Variants in FREM1 observed in about 807,000 individuals in gnomAD.
FREM1 encodes the protein FRAS1-related extracellular matrix protein 1.
FREM1 carries 220 observed loss-of-function variants against 210.1 expected under a neutral mutation model. The ratio of observed to expected loss-of-function variants is 1.05; its 90% CI spans 0.94 to 1.17. The LOEUF (loss-of-function observed/expected upper bound fraction) is 1.17, where lower values mean the gene tolerates loss of function less well. Among genes scored for constraint, FREM1 ranks in the 50% most tolerant of loss-of-function variants. FREM1 has a pLI of 0.00. For synonymous variants in FREM1, 1,189 were observed against 980.2 expected, an observed-to-expected ratio of 1.21 and a Z score of -3.98; for missense variants, 3,454 against 2,675.5, an observed-to-expected ratio of 1.29 and a Z score of -6.42.
At position 14,759,122 on chromosome 9, in the gene FREM1, A is replaced by C. The variant is rs563838928; in HGVS notation, c.5334+650T>G. ...AAGCAGAGTTCAGCCCAAGTTCACAAAGTTGAATATAGCTCCCTATGAAAT... is the reference window on the plus strand; with the variant it reads ...AAGCAGAGTTCAGCCCAAGTTCACACAGTTGAATATAGCTCCCTATGAAAT... On this transcript the variant is annotated intron_variant, in intron 28 of 36. Transcript: ENST00000380880. 1.9e-4 allele frequency among the ~76,000 whole-genome samples: 29 copies of C among 151,858 alleles called. 1 individual carries two copies. Among genetic ancestry groups the C allele is most frequent in the Middle Eastern group, 3.4e-3 (1 of 294 alleles).
At chr9:14,791,340 A>C (rs771374608) in intron 22 of FREM1, among the ~76,000 whole-genome samples, 19 of 152,208 alleles carry the variant, frequency 1.2e-4, no homozygotes, top group Non-Finnish European at 2.5e-4. Context: ...CTACCCCTAG[A>C]ATCCTCCCTT....
Position 14,857,661 on chromosome 9 carries a change from G to A in FREM1, c.720C>T (p.Phe240=). 6.2e-7 allele frequency: 1 copy of A among 1,613,574 alleles called. No individual in the cohort carries two copies. The highest frequency in any genetic ancestry group is 8.5e-7 in the Non-Finnish European group (1 of 1,179,596). The part of the protein sequence containing the change: ...IGSLKVSCEE[F]LLMGLRYQHL... Reference sequence around the variant, plus strand: ...GCTGATAACGAAGGCCCATCAGCAGGAACTCCTCACAGCTCACTTTGAGGC... The same window carrying A: ...GCTGATAACGAAGGCCCATCAGCAGAAACTCCTCACAGCTCACTTTGAGGC... Residue 240 remains phenylalanine, a synonymous_variant, in exon 5 of 37, where the codon TTC becomes TTT. Coordinates refer to ENST00000380880, the MANE Select transcript of FREM1 (RefSeq NM_001379081.2).
chr9:14,908,685 G>T (rs942099786), intron 1 of FREM1, among the ~76,000 whole-genome samples: 1 of 152,180 alleles, frequency 6.6e-6, no homozygotes, highest in Non-Finnish European at 1.5e-5. Context: ...TAGATATAAG[G>T]TTTAATATTA....
At chr9:14,796,191 C>T (rs1588035449) in intron 21 of FREM1, among the ~76,000 whole-genome samples, 1 of 152,104 alleles carries the variant, frequency 6.6e-6, no homozygotes, top group Non-Finnish European at 1.5e-5. Context: ...TTGTTTGAGG[C>T]CCTCCTTTCT....
intron 10 of FREM1, among the ~76,000 whole-genome samples, chr9:14,833,242 T>C (rs1823912229): frequency 6.6e-6 from 1 of 152,172 alleles, no homozygotes; most frequent in Non-Finnish European, 1.5e-5. Context: ...GTCAAAATCT[T>C]GTAGCCTCCA....
In FREM1 at chr9:14,808,094, T is replaced by G. The variant is rs760219787; in HGVS notation, c.2934A>C (p.Thr978=). The change falls in exon 17 of 37, where the codon ACA becomes ACC. Residue 978 remains threonine, a synonymous_variant. Coordinates refer to ENST00000380880, the MANE Select transcript of FREM1 (RefSeq NM_001379081.2). ...CAGCCTCTCCATCCGAAACCACCAA[T>G]GTAATGGTGTCAAAACAAGGCATCA... The part of the protein sequence containing the change: ...IGLMPCFDTI[T]LVVSDGEAGP... 6 of 1,612,678 alleles carry G rather than the reference T, an allele frequency of 3.7e-6. No homozygotes were observed. Among genetic ancestry groups the G allele is most frequent in the Non-Finnish European group, 5.1e-6 (6 of 1,179,194 alleles).
chr9:14,853,570 T>A (rs529604303), intron 5 of FREM1, among the ~76,000 whole-genome samples: 18 of 152,300 alleles, frequency 1.2e-4, no homozygotes, highest in Non-Finnish European at 2.2e-4. Flanking sequence ...AAATCATATG[T>A]CATCAATGCC....
intron 1 of FREM1, among the ~76,000 whole-genome samples, chr9:14,879,097 C>T (rs1834310711): frequency 6.8e-6 from 1 of 146,288 alleles, no homozygotes; most frequent in Non-Finnish European, 1.5e-5. Context: ...GCGGAGGTTG[C>T]AGTAAGCCAA....
intron 8 of FREM1, 56 bp from the exon 9 acceptor site, chr9:14,842,716 CTG>C: frequency 7.7e-7 from 1 of 1,303,534 alleles, no homozygotes. Flanking sequence ...GAAGCAGCAG[CTG>C]TGGGGAAAGC....
rs766345217 is a variant in FREM1 at position 14,776,176 on chromosome 9, G to A, written c.4470C>T (p.Thr1490=). Residue 1490 remains threonine (T), a synonymous_variant, in exon 25 of 37, where the codon ACC becomes ACT. Coordinates refer to ENST00000380880, the MANE Select transcript of FREM1 (RefSeq NM_001379081.2). ...GTGTGATCTCAAACACCCCGTGCTC[G>A]GTCCGCAGTCCATTGCTGATGATGA... ...FRFIISNGLR[T]EHGVFEITLE... 3.4e-5 allele frequency: 52 copies of A among 1,535,548 alleles called. No homozygotes were observed. Among genetic ancestry groups the A allele is most frequent in the East Asian group, 2.7e-4 (12 of 44,198 alleles).
intron 1 of FREM1, among the ~76,000 whole-genome samples, chr9:14,898,822 G>T (rs1027761786): frequency 6.6e-6 from 1 of 152,150 alleles, no homozygotes; most frequent in Non-Finnish European, 1.5e-5. Context: ...AATAATAATT[G>T]CTCATCCATT....
At chr9:14,851,887 G>A (rs1715135784) in intron 5 of FREM1, among the ~76,000 whole-genome samples, 1 of 152,190 alleles carries the variant, frequency 6.6e-6, no homozygotes, top group Non-Finnish European at 1.5e-5. Context: ...GAAGAAGGGA[G>A]CACCTACTTT....
chr9:14,825,909 G>C (rs1390764804), intron 10 of FREM1, among the ~76,000 whole-genome samples: 1 of 151,952 alleles, frequency 6.6e-6, no homozygotes, highest in Non-Finnish European at 1.5e-5. Context: ...CTGCCTGTTA[G>C]CCCTAAATCC....
In FREM1 at chr9:14,868,789, C is replaced by T; in HGVS notation, c.189G>A (p.Val63=). ...CCCTCTGGGTTATTGGCTCATTCAT[C>T]ACAACTTCCACTTTGCAGGCATCTT... ...KEKDACKVEV[V]MNEPITQRVG... The change falls in exon 2 of 37, where the codon GTG becomes GTA. Residue 63 remains valine (V), a synonymous_variant. Coordinates refer to ENST00000380880, the MANE Select transcript of FREM1 (RefSeq NM_001379081.2). The T allele has an allele frequency of 6.2e-7, 1 of 1,613,020 alleles. No individual in the cohort carries two copies.
At chr9:14,764,989 T>C (rs1239646271) in intron 27 of FREM1, among the ~76,000 whole-genome samples, 1 of 152,194 alleles carries the variant, frequency 6.6e-6, no homozygotes, top group Non-Finnish European at 1.5e-5. Context: ...GATAAGTCTG[T>C]ACTTCAAAGG....
intron 21 of FREM1, among the ~76,000 whole-genome samples, chr9:14,795,519 AAGAGAAAG>A (rs1852208666): frequency 6.6e-6 from 1 of 152,240 alleles, no homozygotes; most frequent in African/African-American, 2.4e-5. Flanking sequence ...ACACACATGG[AAGAGAAAG>A]AGAGTGTTAT....
intron 1 of FREM1, among the ~76,000 whole-genome samples, chr9:14,902,099 G>A (rs1349894802): frequency 6.6e-6 from 1 of 151,804 alleles, no homozygotes; most frequent in Non-Finnish European, 1.5e-5. Context: ...GCCTGCCTTG[G>A]CCTCCCGAAG....
intron 1 of FREM1, among the ~76,000 whole-genome samples, chr9:14,909,416 C>T (rs549229416): frequency 6.6e-6 from 1 of 152,276 alleles, no homozygotes; most frequent in African/African-American, 2.4e-5. Flanking sequence ...ATCTCTCTTC[C>T]CCACAATGAA....
At chr9:14,846,991 C>G (rs1564065498) in intron 7 of FREM1, among the ~76,000 whole-genome samples, 1 of 152,224 alleles carries the variant, frequency 6.6e-6, no homozygotes, top group Admixed American at 6.5e-5. Flanking sequence ...TGTGGCTGAT[C>G]AGGCCCTGCA....
Sources: allele counts gnomAD v4.1 joint callset (sites outside exome capture counted in the v4.1 genomes callset), GRCh38; gene constraint gnomAD v4.1.1; transcripts MANE v1.5; gene names NCBI Gene and HGNC (gene_info 2026-07-23, HGNC 2026-07-21).